Variants in DYNC1I2 observed in about 807,000 individuals in gnomAD.
DYNC1I2 encodes dynein cytoplasmic 1 intermediate chain 2, also known as cytoplasmic dynein 1 intermediate chain 2.
DYNC1I2 carries 53 observed loss-of-function variants against 88.6 expected under a neutral mutation model. The observed-to-expected ratio is 0.60, with a 90% CI of 0.48 to 0.75. DYNC1I2 has a LOEUF of 0.75. Among genes scored for constraint, DYNC1I2 ranks in the 30% least tolerant of loss-of-function variants. The pLI, the probability that DYNC1I2 is intolerant of heterozygous loss-of-function variation, is 0.00. For missense variants in DYNC1I2, 458 were observed against 766.6 expected (o/e 0.60, Z 4.75); for synonymous variants, 198 against 254.6 (o/e 0.78, Z 2.12).
chr2:171,718,811 A>C (rs1330584791), intron 7 of DYNC1I2, among the ~76,000 whole-genome samples: 2 of 152,222 alleles, frequency 1.3e-5, no homozygotes, highest in East Asian at 3.8e-4. Context: ...GCATAGTGTG[A>C]GACACTTTAC....
At chr2:171,694,317 G>A (rs1419942396) in intron 3 of DYNC1I2, among the ~76,000 whole-genome samples, 2 of 151,652 alleles carry the variant, frequency 1.3e-5, no homozygotes, top group Admixed American at 6.6e-5. Flanking sequence ...ATTTATGGCT[G>A]GGTTAGTTCT....
intron 4 of DYNC1I2, 181 bp downstream of exon 4, chr2:171,706,745 T>C (rs752408930): frequency 4.0e-6 from 2 of 496,866 alleles, no homozygotes; most frequent in Non-Finnish European, 7.0e-6. Flanking sequence ...TAAATTGATA[T>C]CTTTTTTTGG....
intron 15 of DYNC1I2, among the ~76,000 whole-genome samples, chr2:171,739,599 G>A (rs773746681): frequency 2.0e-5 from 3 of 149,626 alleles, no homozygotes; most frequent in Admixed American, 6.7e-5. Flanking sequence ...CCTTATTTTC[G>A]TCAAATGGCC....
chr2:171,744,215 C>A, intron 16 of DYNC1I2, 26 bp downstream of exon 16: 1 of 1,558,558 alleles, frequency 6.4e-7, no homozygotes, highest in East Asian at 2.3e-5. Flanking sequence ...ACAAAAATTG[C>A]ATTGAAAAAT....
At position 171,748,406 on chromosome 2, in the gene DYNC1I2, C is replaced by T. The variant is rs2357063; in HGVS notation, c.*517C>T. ...TTACCTATAAATAAAAACAAATATG[C>T]GTTAACTTTTCAAATTTTCATTTTT... On this transcript the variant is annotated 3_prime_UTR_variant, in exon 18 of 18. Coordinates refer to ENST00000397119, the MANE Select transcript of DYNC1I2 (RefSeq NM_001378.3). 2.6e-5 allele frequency: 4 copies of T among 151,990 alleles called. No homozygotes were observed. The highest frequency in any genetic ancestry group is 2.9e-5 in the Non-Finnish European group (2 of 67,972). 9.4% of individuals were successfully genotyped at this position (151,990 alleles called of 1,614,324 possible).
chr2:171,743,352 A>G (rs1689575931), intron 15 of DYNC1I2, among the ~76,000 whole-genome samples: 1 of 152,162 alleles, frequency 6.6e-6, no homozygotes, highest in African/African-American at 2.4e-5. Context: ...GGCAGAAGAA[A>G]ATATGAGTAT....
chr2:171,718,583 G>A (rs987393324), intron 7 of DYNC1I2, among the ~76,000 whole-genome samples: 1 of 151,856 alleles, frequency 6.6e-6, no homozygotes, highest in African/African-American at 2.4e-5. Context: ...ACAGGCACCC[G>A]CCACCACGCC....
intron 6 of DYNC1I2, among the ~76,000 whole-genome samples, chr2:171,713,529 T>C (rs1284315713): frequency 6.6e-6 from 1 of 152,100 alleles, no homozygotes; most frequent in African/African-American, 2.4e-5. Context: ...TTTTAAAACT[T>C]GTTCTTTTAG....
chr2:171,693,645 T>C (rs1343973120), intron 3 of DYNC1I2, among the ~76,000 whole-genome samples: 1 of 152,200 alleles, frequency 6.6e-6, no homozygotes, highest in Non-Finnish European at 1.5e-5. Context: ...ATACTGGAGA[T>C]TGTAAATGCT....
intron 3 of DYNC1I2, among the ~76,000 whole-genome samples, chr2:171,700,785 C>T (rs539754330): frequency 6.6e-6 from 1 of 152,210 alleles, no homozygotes; most frequent in African/African-American, 2.4e-5. Flanking sequence ...GCGCCCGCCA[C>T]CACGCCCGGC....
chr2:171,720,579 C>T (rs1173044497), intron 7 of DYNC1I2, among the ~76,000 whole-genome samples: 1 of 152,034 alleles, frequency 6.6e-6, no homozygotes, highest in East Asian at 1.9e-4. Flanking sequence ...ACTGAAAATA[C>T]AAAAATTAGC....
chr2:171,739,336 A>C (rs1294422597), intron 15 of DYNC1I2, among the ~76,000 whole-genome samples: 1 of 152,122 alleles, frequency 6.6e-6, no homozygotes, highest in Non-Finnish European at 1.5e-5. Flanking sequence ...TTTAATTCAC[A>C]ATTTTAAAAC....
At chr2:171,690,552 G>T (rs538588062) in intron 2 of DYNC1I2, among the ~76,000 whole-genome samples, 1 of 151,616 alleles carries the variant, frequency 6.6e-6, no homozygotes, top group African/African-American at 2.4e-5. Flanking sequence ...ATAGATTGAT[G>T]CATTTCTAAA....
At chr2:171,704,393 C>T (rs1346027992) in intron 3 of DYNC1I2, among the ~76,000 whole-genome samples, 1 of 139,032 alleles carries the variant, frequency 7.2e-6, no homozygotes, top group African/African-American at 2.7e-5. Context: ...GAATAGGTAT[C>T]TGTGCTCTAA....
At chr2:171,747,229 A>ATATATATATATATATG (rs1689858027) in intron 17 of DYNC1I2, among the ~76,000 whole-genome samples, 1 of 145,720 alleles carries the variant, frequency 6.9e-6, no homozygotes, top group African/African-American at 2.5e-5. Flanking sequence ...ATATATATAT[A>ATATATATATATATATG]TATGTTATTG....
At chr2:171,694,437 C>T (rs1202164436) in intron 3 of DYNC1I2, among the ~76,000 whole-genome samples, 2 of 152,054 alleles carry the variant, frequency 1.3e-5, no homozygotes, top group Non-Finnish European at 2.9e-5. Context: ...GTGGGCGGAT[C>T]ACCTGAGGTC....
intron 15 of DYNC1I2, among the ~76,000 whole-genome samples, chr2:171,741,472 A>G (rs1689423617): frequency 6.6e-6 from 1 of 152,182 alleles, no homozygotes; most frequent in African/African-American, 2.4e-5. Context: ...AGTGGTATGA[A>G]GTGATACCTC....
At chr2:171,697,697 A>AAAG (rs59696161) in intron 3 of DYNC1I2, among the ~76,000 whole-genome samples, 1 of 151,462 alleles carries the variant, frequency 6.6e-6, no homozygotes, top group African/African-American at 2.4e-5. Context: ...AAAAAAAAAA[A>AAAG]GAAAAACAAA....
intron 6 of DYNC1I2, 115 bp from the exon 7 acceptor site, chr2:171,715,213 A>G: frequency 1.7e-6 from 1 of 590,342 alleles, no homozygotes; most frequent in Non-Finnish European, 2.9e-6. Flanking sequence ...AATTTCTTGA[A>G]TAAAATGGAT....
Sources: allele counts gnomAD v4.1 joint callset (sites outside exome capture counted in the v4.1 genomes callset), GRCh38; gene constraint gnomAD v4.1.1; transcripts MANE v1.5; gene names NCBI Gene and HGNC (gene_info 2026-07-23, HGNC 2026-07-21).